The following RAG1 variants were observed in gnomAD, a reference collection of about 807,000 sequenced individuals.
RAG1 encodes the protein V(D)J recombination-activating protein 1.
A neutral mutation model predicts 62.7 loss-of-function variants in RAG1; 35 were observed. The ratio of observed to expected loss-of-function variants is 0.56; its 90% CI spans 0.43 to 0.74. RAG1 has a LOEUF of 0.74. RAG1 is among the 30% of genes least tolerant of loss of function. RAG1 has a pLI of 0.00. For synonymous variants in RAG1, 461 were observed against 470.3 expected, an observed-to-expected ratio of 0.98 and a Z score of 0.26; for missense variants, 1,169 against 1,278.6, an observed-to-expected ratio of 0.91 and a Z score of 1.31.
At chr11:36,512,335 G>A (rs5030409) in intron 1 of RAG1, among the ~76,000 whole-genome samples, 17,392 of 152,242 alleles carry the variant, frequency 0.11, 1,084 homozygotes, top group South Asian at 0.15. Context: ...TGTATGAAGG[G>A]CAGTTGCCTT....
Position 36,577,157 on chromosome 11 carries a change from GAAT to G in RAG1, c.*723_*725del, listed in dbSNP as rs1230625417. On this transcript the variant is annotated 3_prime_UTR_variant, in exon 2 of 2. Coordinates refer to ENST00000299440, the MANE Select transcript of RAG1 (RefSeq NM_000448.3). ...CATGGATTTTTCAATAATGAATTTAGAATACACCTGTTAGCTACAGTTAGTTAT... is the reference window on the plus strand; with the variant it reads ...CATGGATTTTTCAATAATGAATTTAGACACCTGTTAGCTACAGTTAGTTAT... 1.2e-5 allele frequency: 2 copies of G among 166,856 alleles called. No individual in the cohort carries two copies. The highest frequency in any genetic ancestry group is 2.9e-5 in the Non-Finnish European group (2 of 68,114). 10.3% of individuals were successfully genotyped at this position (166,856 alleles called of 1,614,324 possible).
At chr11:36,528,527 C>T (rs1860201869) in intron 2 of RAG1, among the ~76,000 whole-genome samples, 1 of 151,960 alleles carries the variant, frequency 6.6e-6, no homozygotes, top group South Asian at 2.1e-4. Flanking sequence ...ATTAAGTGGC[C>T]ACTAGAGAAA....
At position 36,573,571 on chromosome 11, in the gene RAG1, G is replaced by T. The variant is rs267602869; in HGVS notation, c.267G>T (p.Lys89Asn). The T allele has an allele frequency of 2.5e-6, 4 of 1,614,042 alleles. No homozygotes were observed. Among genetic ancestry groups the T allele is most frequent in the East Asian group, 4.5e-5 (2 of 44,898 alleles). Residue 89 changes from lysine (K) to asparagine (N), a missense_variant, in exon 2 of 2, where the codon AAG becomes AAT. Physicochemically the swap from Lys to Asn is moderately conservative, Grantham distance 94 (BLOSUM62 0). Around this residue, in one of 2 missense-constraint regions of RAG1, gnomAD observed 369 missense variants for 335.3 expected, o/e 1.10. Coordinates refer to ENST00000299440, the MANE Select transcript of RAG1 (RefSeq NM_000448.3). The part of the protein sequence containing the change: ...PLLKAHPKFS[K>N]KFHDNEKARG... ...TAAAAGCCCACCCTAAGTTTTCAAA[G>T]AAATTTCACGACAACGAGAAAGCAA... is the stretch of plus-strand genomic sequence containing the variant.
At chr11:36,535,781 T>C (rs1005378335) in intron 2 of RAG1, among the ~76,000 whole-genome samples, 1 of 152,094 alleles carries the variant, frequency 6.6e-6, no homozygotes, top group African/African-American at 2.4e-5. Flanking sequence ...AATAAATAGA[T>C]ACACACATAT....
downstream of RAG1, among the ~76,000 whole-genome samples, chr11:36,540,761 T>C (rs1860404940): frequency 6.6e-6 from 1 of 152,228 alleles, no homozygotes; most frequent in African/African-American, 2.4e-5. Context: ...TCTTTGGACA[T>C]ACCAAAGACT....
At chr11:36,543,453 C>T (rs965579796) in intron 3 of RAG1, among the ~76,000 whole-genome samples, 5 of 152,210 alleles carry the variant, frequency 3.3e-5, no homozygotes, top group Admixed American at 2.0e-4. Context: ...GCTCACTTTT[C>T]CAGGCTCTAC....
rs193007224 is a variant in RAG1 at position 36,543,451 on chromosome 11, T to C, written c.-412+7417T>C. The stretch of plus-strand genomic sequence containing the variant: ...GCAGAACTGTGGGGTTTGCTCACTT[T>C]TCCAGGCTCTACCCGAAAAATCAGA... On this transcript the variant is annotated intron_variant and NMD_transcript_variant, in intron 3 of 9. Coordinates refer to the RAG1 transcript ENST00000534663. Among the ~76,000 whole-genome samples the C allele has an allele frequency of 1.6e-3, 240 of 152,340 alleles. 2 individuals are homozygous for C. Among genetic ancestry groups the C allele is most frequent in the Non-Finnish European group, 2.7e-3 (185 of 68,034 alleles).
At chr11:36,549,750 A>T (rs552143998) in intron 3 of RAG1, among the ~76,000 whole-genome samples, 2 of 152,234 alleles carry the variant, frequency 1.3e-5, no homozygotes, top group East Asian at 3.9e-4. Flanking sequence ...TTGACCCAGC[A>T]ATCTCATTAC....
At chr11:36,523,223 G>A (rs914727050) in intron 2 of RAG1, among the ~76,000 whole-genome samples, 9 of 152,316 alleles carry the variant, frequency 5.9e-5, no homozygotes, top group East Asian at 3.9e-4. Context: ...TAATTCCCAC[G>A]TGTTATGGGA....
intron 3 of RAG1, among the ~76,000 whole-genome samples, chr11:36,558,522 G>A (rs1850535261): frequency 6.6e-6 from 1 of 152,030 alleles, no homozygotes; most frequent in Non-Finnish European, 1.5e-5. Flanking sequence ...TTATATAATG[G>A]TGCCATCTGT....
Position 36,575,917 on chromosome 11 carries a change from G to A in RAG1, c.2613G>A (p.Glu871=), listed in dbSNP as rs777644555. The A allele has an allele frequency of 1.2e-6, 2 of 1,614,170 alleles. No homozygotes were observed. The highest frequency in any genetic ancestry group is 1.7e-6 in the Non-Finnish European group (2 of 1,180,046). Residue 871 remains glutamate, a synonymous_variant, in exon 2 of 2, where the codon GAG becomes GAA. Coordinates refer to ENST00000299440, the MANE Select transcript of RAG1 (RefSeq NM_000448.3). This position sits in a 1 kb window ranked among gnomAD's most constrained non-coding sequence, Gnocchi z 4.1. ...AAGAGACTGTGGATGCAGTTTGTGA[G>A]TTAATTCCTTCCGAGGAGAGGCACG... is the stretch of plus-strand genomic sequence containing the variant. The part of the protein sequence containing the change: ...MTKETVDAVC[E]LIPSEERHEA...
chr11:36,519,073 C>T (rs1282485616), intron 1 of RAG1, among the ~76,000 whole-genome samples: 2 of 152,066 alleles, frequency 1.3e-5, no homozygotes, highest in East Asian at 1.9e-4. Flanking sequence ...TTGATATATG[C>T]CCATTGGAAG....
At chr11:36,545,335 A>G (rs1850377445) in intron 3 of RAG1, among the ~76,000 whole-genome samples, 1 of 152,168 alleles carries the variant, frequency 6.6e-6, no homozygotes, top group African/African-American at 2.4e-5. Context: ...GTTAAGATTA[A>G]GGGAGGTTAT....
rs1181669093 is a variant in RAG1 at position 36,575,998 on chromosome 11, A to G, written c.2694A>G (p.Ser898=). ...TGAAGATGAAACCAGTATGGCGATC[A>G]TCATGCCCTGCTAAAGAGTGCCCAG... is the stretch of plus-strand genomic sequence containing the variant. ...LYLKMKPVWR[S]SCPAKECPES... The change falls in exon 2 of 2, where the codon TCA becomes TCG. Residue 898 remains serine (S), a synonymous_variant. Coordinates refer to ENST00000299440, the MANE Select transcript of RAG1 (RefSeq NM_000448.3). The surrounding 1 kb of genome is among the most constrained non-coding windows in gnomAD (Gnocchi z 4.1). 6.2e-7 allele frequency: 1 copy of G among 1,614,098 alleles called. No homozygotes were observed. Among genetic ancestry groups the G allele is most frequent in the South Asian group, 1.1e-5 (1 of 91,090 alleles).
In RAG1 at chr11:36,519,496, C is replaced by G. The variant is rs532754251; in HGVS notation, n.331-636C>G. 1.4e-4 allele frequency among the ~76,000 whole-genome samples: 21 copies of G among 152,346 alleles called. No homozygotes were observed. The South Asian group carries it at 2.7e-3, about 20-fold the overall frequency. On this transcript the variant is annotated intron_variant and non_coding_transcript_variant, in intron 1 of 2. Transcript: ENST00000529126. The stretch of plus-strand genomic sequence containing the variant: ...ACAGTTTCCTATCTATACAACTGCA[C>G]TTATAGTAAATTAACTATTCCTCTA...
rs1160230611 is a variant in RAG1 at position 36,574,180 on chromosome 11, C to CT, written c.877dup (p.Cys293LeufsTer5). ...CAGAGCACTTTGTGAAATCCATCTC[C>CT]TGCCAGATCTGTGAACACATTCTGG... is the stretch of plus-strand genomic sequence containing the variant. On this transcript the variant is annotated frameshift_variant, in exon 2 of 2. Coordinates refer to ENST00000299440, the MANE Select transcript of RAG1 (RefSeq NM_000448.3). LOFTEE classifies it high-confidence loss of function. The CT allele has an allele frequency of 1.2e-6, 2 of 1,614,104 alleles. No homozygotes were observed. Among genetic ancestry groups the CT allele is most frequent in the African/African-American group, 2.7e-5 (2 of 74,932 alleles).
chr11:36,565,460 G>A (rs1039305279), upstream of RAG1, among the ~76,000 whole-genome samples: 4 of 152,206 alleles, frequency 2.6e-5, no homozygotes, highest in South Asian at 8.3e-4. Flanking sequence ...GGGCCTGTCG[G>A]CACTTCAAGG....
rs181256554 is a variant in RAG1 at position 36,541,635 on chromosome 11, C to A, written c.-412+5601C>A. ...AGAAACAGGAAATACTAGGCCCTTG[C>A]TTGGATAGCCGATGCCTGCTTGTTG... is the stretch of plus-strand genomic sequence containing the variant. On this transcript the variant is annotated intron_variant and NMD_transcript_variant, in intron 3 of 9. Coordinates refer to the RAG1 transcript ENST00000534663. Among the ~76,000 whole-genome samples the A allele has an allele frequency of 2.4e-3, 358 of 152,228 alleles. 1 individual carries two copies. The highest frequency in any genetic ancestry group is 8.3e-3 in the African/African-American group (346 of 41,536).
intron 1 of RAG1, among the ~76,000 whole-genome samples, chr11:36,572,188 C>T (rs1211212589): frequency 1.3e-5 from 2 of 152,140 alleles, no homozygotes; most frequent in Non-Finnish European, 2.9e-5. Flanking sequence ...AGAATTAACC[C>T]AGGCAAATTT....
Sources: allele counts gnomAD v4.1 joint callset (sites outside exome capture counted in the v4.1 genomes callset), GRCh38; gene constraint gnomAD v4.1.1; regional missense constraint gnomAD v4.1.1; non-coding constraint Gnocchi (gnomAD v3.1); transcripts MANE v1.5; gene names NCBI Gene and HGNC (gene_info 2026-07-23, HGNC 2026-07-21).